HPSE2: variants seen among roughly 807,000 people sequenced by gnomAD.
HPSE2 encodes the protein heparanase 2 (inactive), also known as inactive heparanase-2.
Under a neutral mutation model 60.5 loss-of-function variants are expected in HPSE2, and 38 were observed. That is an observed-to-expected ratio of 0.63 (90% confidence interval 0.48 to 0.82). HPSE2 has a LOEUF of 0.82. Ranked by LOEUF, HPSE2 falls within the 40% of genes least tolerant of loss-of-function variation. The pLI is 0.00. For synonymous variants in HPSE2, 295 were observed against 293.2 expected (o/e 1.01, Z -0.06); for missense variants, 713 against 740.4 (o/e 0.96, Z 0.43).
chr10:99,258,445 G>A, the HPSE2 span, among the ~76,000 whole-genome samples: 1 of 151,696 alleles, frequency 6.6e-6, no homozygotes, highest in South Asian at 2.1e-4. Flanking sequence ...ATCTTGTTAA[G>A]AGGTCAATTC....
Position 98,490,067 on chromosome 10 carries a change from A to G in HPSE2, c.1450T>C (p.Cys484Arg). The change falls in exon 10 of 12, where the codon TGC (cysteine) becomes CGC (arginine). Residue 484 changes from cysteine (C) to arginine (R), a missense_variant. Transcript: ENST00000370552. ...AGGACTTACTTGTGGTGGTTTGTGC[A>G]GTGAGCATAAATCCTTAGTTTGTCC... The part of the protein sequence containing the change: ...IRDKLRIYAH[C>R]TNHHNHNYVR... The G allele has an allele frequency of 1.2e-6, 2 of 1,614,204 alleles. No individual in the cohort carries two copies. Among genetic ancestry groups the G allele is most frequent in the Non-Finnish European group, 1.7e-6 (2 of 1,180,022 alleles).
At chr10:98,921,250 T>C (rs573123761) in intron 3 of HPSE2, among the ~76,000 whole-genome samples, 6 of 152,310 alleles carry the variant, frequency 3.9e-5, no homozygotes, top group East Asian at 3.9e-4. Context: ...CACTCAGTAA[T>C]TGGAAATTAT....
At chr10:99,122,060 T>C (rs531553068) in intron 3 of HPSE2, among the ~76,000 whole-genome samples, 1 of 152,228 alleles carries the variant, frequency 6.6e-6, no homozygotes, top group East Asian at 1.9e-4. Context: ...TAAAATTATG[T>C]ATATGTATGT....
intron 3 of HPSE2, among the ~76,000 whole-genome samples, chr10:99,122,991 T>C (rs547747192): frequency 3.3e-5 from 5 of 152,228 alleles, no homozygotes; most frequent in Middle Eastern, 3.4e-3. Flanking sequence ...TATAATATAA[T>C]ATATAACATC....
intron 6 of HPSE2, among the ~76,000 whole-genome samples, chr10:98,642,964 A>G (rs1162860192): frequency 1.3e-5 from 2 of 152,240 alleles, no homozygotes; most frequent in African/African-American, 4.8e-5. Context: ...AACTTGCCAT[A>G]CCAACATGTG....
At chr10:98,653,360 T>A (rs1946969463) in intron 6 of HPSE2, among the ~76,000 whole-genome samples, 1 of 152,172 alleles carries the variant, frequency 6.6e-6, no homozygotes, top group Non-Finnish European at 1.5e-5. Flanking sequence ...TGATGATTGA[T>A]ATAGTTAGGA....
the HPSE2 span, among the ~76,000 whole-genome samples, chr10:99,286,176 A>C: frequency 6.6e-6 from 1 of 152,244 alleles, no homozygotes; most frequent in African/African-American, 2.4e-5. Context: ...TTCCTCAAAA[A>C]ATTAAACGTG....
At chr10:98,844,178 CTCT>C in intron 3 of HPSE2, among the ~76,000 whole-genome samples, 1 of 152,294 alleles carries the variant, frequency 6.6e-6, no homozygotes, top group Non-Finnish European at 1.5e-5. Context: ...TCTCTGAGGT[CTCT>C]TCCAGCTTTG....
At chr10:99,257,022 C>G in the HPSE2 span, among the ~76,000 whole-genome samples, 17 of 152,324 alleles carry the variant, frequency 1.1e-4, no homozygotes, top group Admixed American at 1.0e-3. Context: ...GTCTTTACTG[C>G]AATCTCTGAA....
intron 9 of HPSE2, among the ~76,000 whole-genome samples, chr10:98,602,446 A>C (rs1312493867): frequency 2.0e-5 from 3 of 152,158 alleles, no homozygotes; most frequent in Admixed American, 6.5e-5. Flanking sequence ...CTCAAAACTG[A>C]AAGTAGTAAC....
At chr10:99,173,943 CAAAAAAAAAAAAA>C (rs61074165) in intron 2 of HPSE2, among the ~76,000 whole-genome samples, 30 of 99,944 alleles carry the variant, frequency 3.0e-4, no homozygotes, top group Non-Finnish European at 4.0e-4. Context: ...GACTCTGTCT[CAAAAAAAAAAAAA>C]AAAAAAAAAA....
intron 9 of HPSE2, among the ~76,000 whole-genome samples, chr10:98,546,336 G>A (rs1158780813): frequency 2.2e-5 from 3 of 137,622 alleles, no homozygotes; most frequent in African/African-American, 5.0e-5. Flanking sequence ...AAAAGAGCCT[G>A]CATCGCCAAG....
At chr10:98,860,405 T>C (rs936713805) in intron 3 of HPSE2, among the ~76,000 whole-genome samples, 2 of 152,194 alleles carry the variant, frequency 1.3e-5, no homozygotes, top group African/African-American at 4.8e-5. Context: ...TTGCTCATGC[T>C]GTTCAGTCAG....
At chr10:98,509,980 C>T (rs1564928563) in intron 9 of HPSE2, among the ~76,000 whole-genome samples, 1 of 152,076 alleles carries the variant, frequency 6.6e-6, no homozygotes, top group African/African-American at 2.4e-5. Flanking sequence ...CGCACACACA[C>T]ACACTTTGTT....
chr10:98,677,542 C>G (rs1185959737), intron 6 of HPSE2, among the ~76,000 whole-genome samples: 2 of 152,040 alleles, frequency 1.3e-5, no homozygotes, highest in Non-Finnish European at 2.9e-5. Flanking sequence ...CATATGTTAC[C>G]TTATTTAGTC....
intron 3 of HPSE2, among the ~76,000 whole-genome samples, chr10:99,101,935 A>G (rs1293690818): frequency 1.3e-5 from 2 of 152,330 alleles, no homozygotes; most frequent in Admixed American, 6.5e-5. Context: ...TTTGAAACCA[A>G]TGAGAACAAA....
intron 3 of HPSE2, among the ~76,000 whole-genome samples, chr10:99,075,328 G>A (rs1589615292): frequency 1.3e-5 from 2 of 152,122 alleles, no homozygotes; most frequent in East Asian, 1.9e-4. Flanking sequence ...ACATGTTTGT[G>A]AATTTTCCAG....
intron 3 of HPSE2, among the ~76,000 whole-genome samples, chr10:99,085,964 A>AT (rs1356668084): frequency 6.6e-6 from 1 of 152,152 alleles, no homozygotes; most frequent in African/African-American, 2.4e-5. Flanking sequence ...TGCCCTGCCC[A>AT]TACCTCTGTC....
At chr10:98,751,425 A>G (rs557101963) in intron 3 of HPSE2, among the ~76,000 whole-genome samples, 1 of 152,338 alleles carries the variant, frequency 6.6e-6, no homozygotes, top group African/African-American at 2.4e-5. Context: ...ACTCAGTTCA[A>G]TACTGTTCTT....
Sources: allele counts gnomAD v4.1 joint callset (sites outside exome capture counted in the v4.1 genomes callset), GRCh38; gene constraint gnomAD v4.1.1; transcripts MANE v1.5; gene names NCBI Gene and HGNC (gene_info 2026-07-23, HGNC 2026-07-21).